The following NOL4L variants were observed in gnomAD, a reference collection of about 807,000 sequenced individuals.
NOL4L encodes nucleolar protein 4 like, also known as nucleolar protein 4-like.
A neutral mutation model predicts 64.5 loss-of-function variants in NOL4L; 7 were observed. The observed-to-expected ratio is 0.11, with a 90% CI of 0.06 to 0.20. The LOEUF (loss-of-function observed/expected upper bound fraction) is 0.20. NOL4L is among the 10% of genes least tolerant of loss of function. The pLI is 1.00. For synonymous variants in NOL4L, 413 were observed against 401.0 expected (o/e 1.03, Z -0.36); for missense variants, 680 against 967.1 (o/e 0.70, Z 3.94).
chr20:32,498,325 C>G (rs2016777632), intron 4 of NOL4L, among the ~76,000 whole-genome samples: 1 of 152,006 alleles, frequency 6.6e-6, no homozygotes, highest in African/African-American at 2.4e-5. Context: ...TAGAAAGCAC[C>G]CCAGGATGTT....
At chr20:32,560,319 A>AG (rs1331487072) in intron 1 of NOL4L, among the ~76,000 whole-genome samples, 1 of 152,186 alleles carries the variant, frequency 6.6e-6, no homozygotes, top group Admixed American at 6.5e-5. Flanking sequence ...TAGGCTGAGG[A>AG]GGGGAGCGTG....
At chr20:32,523,225 AAGGCTGAC>A (rs1300832366) in intron 2 of NOL4L, among the ~76,000 whole-genome samples, 1 of 152,158 alleles carries the variant, frequency 6.6e-6, no homozygotes, top group Non-Finnish European at 1.5e-5. Context: ...GGGAGGATAG[AAGGCTGAC>A]AGGTGAGAAG....
chr20:32,583,301 C>T (rs1051059143), intron 1 of NOL4L, among the ~76,000 whole-genome samples: 1 of 151,020 alleles, frequency 6.6e-6, no homozygotes, highest in African/African-American at 2.4e-5. Context: ...GGCCCCCTCA[C>T]CCCGCGGGCC....
chr20:32,535,806 C>A, intron 1 of NOL4L: 1 of 985,450 alleles, frequency 1.0e-6, no homozygotes, highest in Non-Finnish European at 1.2e-6. Context: ...CACAGTGCCC[C>A]CCAGTTAGAA....
intron 2 of NOL4L, among the ~76,000 whole-genome samples, chr20:32,527,072 C>T (rs377122419): frequency 3.3e-5 from 5 of 152,190 alleles, no homozygotes; most frequent in Non-Finnish European, 5.9e-5. Context: ...AATGCCAGTA[C>T]AGGTGTCACC....
chr20:32,475,664 C>T (rs1449204867), intron 4 of NOL4L, among the ~76,000 whole-genome samples: 2 of 152,258 alleles, frequency 1.3e-5, no homozygotes, highest in Non-Finnish European at 1.5e-5. Context: ...AGAAAGATGA[C>T]CCAGCAGCTC....
At chr20:32,524,955 C>T (rs781343417) in intron 2 of NOL4L, among the ~76,000 whole-genome samples, 2 of 152,234 alleles carry the variant, frequency 1.3e-5, no homozygotes, top group Admixed American at 6.5e-5. Flanking sequence ...GCCTCACACC[C>T]ACGGCAGGAG....
intron 4 of NOL4L, among the ~76,000 whole-genome samples, chr20:32,476,198 G>GCACAC (rs71338439): frequency 7.1e-6 from 1 of 140,978 alleles, no homozygotes; most frequent in Admixed American, 7.1e-5. Flanking sequence ...CACCCGGAGG[G>GCACAC]ACACACACAC....
In NOL4L at chr20:32,464,546, C is replaced by T. The variant is rs993710545; in HGVS notation, c.842-8151G>A. Among the ~76,000 whole-genome samples the T allele has an allele frequency of 3.9e-5, 6 of 152,194 alleles. No homozygotes were observed. Among genetic ancestry groups the T allele is most frequent in the African/African-American group, 1.4e-4 (6 of 41,446 alleles). On this transcript the variant is annotated intron_variant, in intron 5 of 10. Transcript: ENST00000621426. This position sits in a 1 kb window ranked among gnomAD's most constrained non-coding sequence, Gnocchi z 5.6. ...ACACTTGCCCCCTGATTTGCAGCCC[C>T]GGGGCGCCAGTTCCTCTACCCCCAC...
chr20:32,451,121 G>C (rs2012858119), intron 10 of NOL4L, among the ~76,000 whole-genome samples: 1 of 152,148 alleles, frequency 6.6e-6, no homozygotes, highest in Non-Finnish European at 1.5e-5. Flanking sequence ...GAATCCTCAG[G>C]CATGTTTAGC....
At chr20:32,461,859 G>C (rs942637642) in intron 5 of NOL4L, among the ~76,000 whole-genome samples, 1 of 151,796 alleles carries the variant, frequency 6.6e-6, no homozygotes, top group African/African-American at 2.4e-5. Context: ...TCACAGAAGC[G>C]GCCCCAGCCC....
intron 4 of NOL4L, among the ~76,000 whole-genome samples, chr20:32,499,544 GC>G (rs1051095114): frequency 1.2e-4 from 19 of 152,110 alleles, no homozygotes; most frequent in Admixed American, 1.2e-3. Context: ...TTTCAGACCA[GC>G]TTGGCCAACA....
At chr20:32,449,726 T>G (rs947702561) in intron 10 of NOL4L, 1 of 152,298 alleles carries the variant, frequency 6.6e-6, no homozygotes, top group Non-Finnish European at 1.5e-5. Context: ...ACTGAGAAGC[T>G]TGGAACAGGA....
At chr20:32,452,148 C>T in intron 10 of NOL4L, 88 bp downstream of exon 10, 1 of 1,234,356 alleles carries the variant, frequency 8.1e-7, no homozygotes, top group Non-Finnish European at 1.1e-6. Context: ...CCTCTGCTTC[C>T]CTCTCCCCAT....
chr20:32,513,099 G>A (rs1348699333), intron 3 of NOL4L, among the ~76,000 whole-genome samples: 1 of 152,138 alleles, frequency 6.6e-6, no homozygotes, highest in Non-Finnish European at 1.5e-5. Flanking sequence ...ATCAAAAGGT[G>A]CCCCTGGTAC....
At chr20:32,461,159 C>T (rs968247735) in intron 5 of NOL4L, among the ~76,000 whole-genome samples, 8 of 152,216 alleles carry the variant, frequency 5.3e-5, no homozygotes, top group Non-Finnish European at 1.0e-4. Context: ...CGGCTGCAGC[C>T]GCAAGGGCTG....
At chr20:32,537,074 G>T (rs563080548) in intron 1 of NOL4L, 1 of 984,614 alleles carries the variant, frequency 1.0e-6, no homozygotes, top group African/African-American at 1.8e-5. Flanking sequence ...CCCCCGGGAC[G>T]CTGCCCACCT....
intron 1 of NOL4L, among the ~76,000 whole-genome samples, chr20:32,579,151 A>T (rs7263082): frequency 0.054 from 8,249 of 152,266 alleles, 705 homozygotes; most frequent in African/African-American, 0.18. Context: ...GTGCAAGCAC[A>T]CGCAGTCACA....
At chr20:32,475,502 C>A (rs557348411) in intron 4 of NOL4L, 5 of 263,416 alleles carry the variant, frequency 1.9e-5, no homozygotes, top group African/African-American at 2.3e-5. Context: ...TCCTCGCTGC[C>A]GGCTTCGGGC....
Sources: allele counts gnomAD v4.1 joint callset (sites outside exome capture counted in the v4.1 genomes callset), GRCh38; gene constraint gnomAD v4.1.1; non-coding constraint Gnocchi (gnomAD v3.1); transcripts MANE v1.5; gene names NCBI Gene and HGNC (gene_info 2026-07-23, HGNC 2026-07-21).